ATP7A: variants seen among roughly 807,000 people sequenced by gnomAD.
ATP7A encodes copper-transporting ATPase 1.
A neutral mutation model predicts 83.5 loss-of-function variants in ATP7A; 7 were observed. The ratio of observed to expected loss-of-function variants is 0.08; its 90% CI spans 0.05 to 0.16. The LOEUF is 0.16. ATP7A is among the 10% of genes least tolerant of loss of function. The pLI is 1.00. For missense variants in ATP7A, 940 were observed against 1,120.8 expected, an observed-to-expected ratio of 0.84 and a Z score of 2.30; for synonymous variants, 354 against 395.2, an observed-to-expected ratio of 0.90 and a Z score of 1.24.
At chrX:77,930,367 A>G (rs782097894) in intron 1 of ATP7A, among the ~76,000 whole-genome samples, 5 of 111,758 alleles carry the variant, frequency 4.5e-5, no homozygotes, top group Non-Finnish European at 9.4e-5. Flanking sequence ...ATTCAGTGGA[A>G]GTCTGCATAC....
chrX:77,996,460 C>T (rs938099142), intron 4 of ATP7A, among the ~76,000 whole-genome samples: 3 of 111,589 alleles, frequency 2.7e-5, no homozygotes, highest in Non-Finnish European at 1.9e-5. Context: ...AGTGTTGTTA[C>T]AGCCTGTAGA....
At chrX:77,920,254 C>T (rs190800542) in intron 1 of ATP7A, among the ~76,000 whole-genome samples, 1,315 of 106,192 alleles carry the variant, frequency 0.012, 9 homozygotes, top group Non-Finnish European at 0.019. Flanking sequence ...CTCGCTCTGT[C>T]GCCCAGGCTG....
intron 12 of ATP7A, among the ~76,000 whole-genome samples, chrX:78,018,677 TC>T (rs781842143): frequency 8.9e-6 from 1 of 112,025 alleles, no homozygotes; most frequent in South Asian, 3.7e-4. Context: ...AGTGTCCTAC[TC>T]CCTGTGGTAA....
rs72628495 is a variant in ATP7A, at chrX:77,925,810, G to A, written c.-22+14975G>A. ...AAGTGTTTCTGTGGTTTCAACTGTA[G>A]ATCCCTTTTTGCCTTTATCTCCAGA... On this transcript the variant is annotated intron_variant, in intron 1 of 22. Coordinates refer to ENST00000341514, the MANE Select transcript of ATP7A (RefSeq NM_000052.7). 1.2e-3 allele frequency among the ~76,000 whole-genome samples: 133 copies of A among 111,138 alleles called. 2 individuals carry two copies. The East Asian group carries it at 0.034, about 28-fold the overall frequency.
At chrX:77,979,686 T>C (rs1557230699) in intron 2 of ATP7A, among the ~76,000 whole-genome samples, 1 of 112,535 alleles carries the variant, frequency 8.9e-6, no homozygotes, top group Admixed American at 9.4e-5. Context: ...ATAATTGTGA[T>C]ATTAAATTGA....
intron 1 of ATP7A, among the ~76,000 whole-genome samples, chrX:77,916,792 A>G (rs781957743): frequency 1.8e-5 from 2 of 111,898 alleles, no homozygotes; most frequent in South Asian, 7.3e-4. Context: ...TTGCATATTC[A>G]GTGTTTCCTG....
At chrX:77,998,454 A>G in intron 4 of ATP7A, 24 bp from the exon 5 acceptor site, 1 of 1,201,110 alleles carries the variant, frequency 8.3e-7, no homozygotes, top group African/African-American at 1.7e-5. Context: ...CTGCAAATGA[A>G]AAGAATCTTT....
At chrX:77,942,738 G>A (rs1382980764) in intron 1 of ATP7A, among the ~76,000 whole-genome samples, 3 of 111,438 alleles carry the variant, frequency 2.7e-5, no homozygotes, top group African/African-American at 9.8e-5. Flanking sequence ...ATGAGCCACC[G>A]CATCCAGCCC....
At chrX:77,951,582 CTTT>C (rs1281059642) in intron 1 of ATP7A, among the ~76,000 whole-genome samples, 2 of 99,467 alleles carry the variant, frequency 2.0e-5, no homozygotes, top group Non-Finnish European at 4.1e-5. Context: ...AGCACAAGAC[CTTT>C]TTTTTTTTTT....
rs782141072 is a variant in ATP7A, at chrX:78,031,636, C to T, written c.3294+54C>T. 2.1e-5 allele frequency: 24 copies of T among 1,120,003 alleles called. No individual in the cohort carries two copies. The East Asian group carries it at 2.4e-4, about 11-fold the overall frequency. The allele number at this position is 1,120,003 out of a possible 1,213,427, so 92.3% of individuals were successfully genotyped here. ...GTAGTCATCTCCTGTAGGAATTCCC[C>T]GGATCAAATCTAGTCTGGTGTTTGA... On this transcript the variant is annotated intron_variant, in intron 16 of 22. Coordinates refer to ENST00000341514, the MANE Select transcript of ATP7A (RefSeq NM_000052.7).
intron 1 of ATP7A, 114 bp from the exon 2 acceptor site, chrX:77,971,507 C>A: frequency 1.3e-6 from 1 of 751,457 alleles, no homozygotes; most frequent in Non-Finnish European, 2.0e-6. Flanking sequence ...ATTTTTTAAA[C>A]ATGACACTTG....
intron 1 of ATP7A, among the ~76,000 whole-genome samples, chrX:77,911,528 A>G (rs1176681879): frequency 9.1e-6 from 1 of 110,430 alleles, no homozygotes; most frequent in Admixed American, 9.7e-5. Flanking sequence ...ATATGTGCAG[A>G]ACATTGAATT....
chrX:77,917,443 C>T (rs2077190817), intron 1 of ATP7A, among the ~76,000 whole-genome samples: 1 of 111,607 alleles, frequency 9.0e-6, no homozygotes, highest in South Asian at 3.8e-4. Context: ...AGTGACACAA[C>T]TCTATAGGCA....
chrX:77,998,820 C>T, intron 5 of ATP7A, 136 bp downstream of exon 5: 1 of 678,675 alleles, frequency 1.5e-6, no homozygotes, highest in African/African-American at 2.1e-5. Context: ...TGTGGGACAA[C>T]CCCGATGTCC....
intron 9 of ATP7A, among the ~76,000 whole-genome samples, chrX:78,012,009 G>A (rs1331377808): frequency 3.7e-5 from 4 of 108,553 alleles, no homozygotes; most frequent in African/African-American, 1.3e-4. Context: ...AGTGGTGTAA[G>A]CACAGCTCAC....
intron 1 of ATP7A, among the ~76,000 whole-genome samples, chrX:77,942,762 GTAT>G (rs782244793): frequency 1.8e-5 from 2 of 109,942 alleles, no homozygotes; most frequent in Non-Finnish European, 3.8e-5. Flanking sequence ...TTCTCTGAAA[GTAT>G]TATTTTCTTT....
intron 1 of ATP7A, chrX:77,964,298 T>A (rs1557228419): frequency 2.7e-5 from 3 of 112,391 alleles, no homozygotes; most frequent in Non-Finnish European, 5.6e-5. Flanking sequence ...ATATGACATC[T>A]TAATTCTTTG....
chrX:78,044,550 C>T (rs782545158), intron 21 of ATP7A, among the ~76,000 whole-genome samples: 1 of 110,972 alleles, frequency 9.0e-6, no homozygotes. Flanking sequence ...TTTTTTTACT[C>T]TACATCAGTT....
chrX:77,934,426 A>C (rs1255666647), intron 1 of ATP7A, among the ~76,000 whole-genome samples: 2 of 111,325 alleles, frequency 1.8e-5, no homozygotes, highest in Non-Finnish European at 3.8e-5. Context: ...TCGAAAAAAA[A>C]CCCTGAAGTT....
Sources: allele counts gnomAD v4.1 joint callset (sites outside exome capture counted in the v4.1 genomes callset), GRCh38; gene constraint gnomAD v4.1.1; transcripts MANE v1.5; gene names NCBI Gene and HGNC (gene_info 2026-07-23, HGNC 2026-07-21).